E2F8: variants seen among roughly 807,000 people sequenced by gnomAD.
E2F8 encodes E2F transcription factor 8.
A neutral mutation model predicts 80.8 loss-of-function variants in E2F8; 35 were observed. The ratio of observed to expected loss-of-function variants is 0.43; its 90% CI spans 0.33 to 0.57. The LOEUF (loss-of-function observed/expected upper bound fraction) is 0.57, where lower values mean the gene tolerates loss of function less well. Among genes scored for constraint, E2F8 ranks in the 20% least tolerant of loss-of-function variants. The pLI is 0.04. For missense variants in E2F8, 975 were observed against 1,056.2 expected (o/e 0.92, Z 1.07); for synonymous variants, 386 against 395.0 (o/e 0.98, Z 0.27).
At chr11:19,232,033 C>T (rs1443738015) in intron 7 of E2F8, among the ~76,000 whole-genome samples, 7 of 152,072 alleles carry the variant, frequency 4.6e-5, no homozygotes, top group African/African-American at 9.7e-5. Context: ...CTGTGGGACA[C>T]GGATGGAGCT....
chr11:19,232,447 G>A (rs1460020327), intron 6 of E2F8, 76 bp from the exon 7 acceptor site: 1 of 1,295,538 alleles, frequency 7.7e-7, no homozygotes, highest in East Asian at 2.3e-5. Flanking sequence ...AGGACTTCAT[G>A]TATATTCTAA....
intron 2 of E2F8, among the ~76,000 whole-genome samples, chr11:19,239,797 T>C (rs1204104188): frequency 2.7e-5 from 4 of 150,874 alleles, no homozygotes; most frequent in African/African-American, 9.7e-5. Flanking sequence ...TAAAATTTGT[T>C]AGTTTCATTA....
chr11:19,234,597 A>G, intron 5 of E2F8, 76 bp from the exon 6 acceptor site: 1 of 1,573,262 alleles, frequency 6.4e-7, no homozygotes, highest in East Asian at 2.2e-5. Flanking sequence ...AAGGCTAAAA[A>G]TACTACCACC....
intron 6 of E2F8, 130 bp downstream of exon 6, chr11:19,234,230 G>A: frequency 1.0e-6 from 1 of 985,512 alleles, no homozygotes; most frequent in Non-Finnish European, 1.5e-6. Context: ...CTTCTGGGGA[G>A]AAGATATAAA....
chr11:19,236,705 C>T (rs772663554), intron 4 of E2F8, among the ~76,000 whole-genome samples: 4 of 152,178 alleles, frequency 2.6e-5, no homozygotes, highest in African/African-American at 4.8e-5. Context: ...TTATCTTGCA[C>T]AGCACATCAC....
chr11:19,227,145 C>T (rs143820947), intron 10 of E2F8, among the ~76,000 whole-genome samples: 3 of 152,354 alleles, frequency 2.0e-5, no homozygotes, highest in African/African-American at 4.8e-5. Flanking sequence ...GACCTTTCTT[C>T]TCTCCATTGT....
At chr11:19,230,904 A>C (rs560855650) in intron 7 of E2F8, 70 bp from the exon 8 acceptor site, 3 of 1,440,688 alleles carry the variant, frequency 2.1e-6, no homozygotes, top group Admixed American at 3.9e-5. Context: ...GAAATAAAAC[A>C]ATTTTAGGAA....
In E2F8 at chr11:19,235,030, G is replaced by A. The variant is rs758702181; in HGVS notation, c.480C>T (p.Ile160=). Reference sequence around the variant, plus strand: ...TATGTAAACTCTCTAGGACGTTCACGATATCGTAAATGCGTCGACGTTCAA... The same window carrying A: ...TATGTAAACTCTCTAGGACGTTCACAATATCGTAAATGCGTCGACGTTCAA... The part of the protein sequence containing the change: ...LNVERRRIYD[I]VNVLESLHMV... The change falls in exon 5 of 13, where the codon ATC becomes ATT. Residue 160 remains isoleucine, a synonymous_variant. Coordinates refer to ENST00000250024, the MANE Select transcript of E2F8 (RefSeq NM_024680.4). 23 of 1,609,870 alleles carry A rather than the reference G, an allele frequency of 1.4e-5. No individual in the cohort carries two copies. In the Admixed American group the frequency reaches 2.0e-4, roughly 14 times the overall value.
intron 2 of E2F8, among the ~76,000 whole-genome samples, chr11:19,238,891 C>G (rs1851591535): frequency 6.6e-6 from 1 of 152,120 alleles, no homozygotes; most frequent in Non-Finnish European, 1.5e-5. Context: ...ATGTTTGCAT[C>G]AACCTAACAG....
chr11:19,236,800 C>G lies in E2F8; in HGVS notation c.451+514G>C, dbSNP rs908863936. Among the ~76,000 whole-genome samples, 9 of 152,272 alleles carry G rather than the reference C, an allele frequency of 5.9e-5. No homozygotes were observed. The East Asian group carries it at 1.7e-3, about 29-fold the overall frequency. On this transcript the variant is annotated intron_variant, in intron 4 of 12. Transcript: ENST00000250024. ...GCCCCTTTTTAGCTCCAAATAGATT[C>G]AGGTCTTTGAACAGAGTAAAAAGGG...
intron 1 of E2F8, 134 bp from the exon 2 acceptor site, chr11:19,240,364 C>T (rs1001276032): frequency 9.9e-6 from 3 of 303,098 alleles, no homozygotes; most frequent in Non-Finnish European, 1.8e-5. Context: ...ACATTTTATT[C>T]TCGACCAGAG....
rs1851165502 is a variant in E2F8 at position 19,224,149 on chromosome 11, G to A, written c.*509C>T. On this transcript the variant is annotated 3_prime_UTR_variant, in exon 13 of 13. Coordinates refer to ENST00000250024, the MANE Select transcript of E2F8 (RefSeq NM_024680.4). The stretch of plus-strand genomic sequence containing the variant: ...TTTTCCATAGACTTGATTGAGGATT[G>A]TTGCAAACTTTACAAAAAGATACAC... 1 of 152,584 alleles carries A rather than the reference G, an allele frequency of 6.6e-6. No homozygotes were observed. Among genetic ancestry groups the A allele is most frequent in the African/African-American group, 2.4e-5 (1 of 41,428 alleles). The allele number at this position is 152,584 out of a possible 1,614,324, so 9.5% of individuals were successfully genotyped here. A position where few individuals can be genotyped will look rare whatever the true frequency, so the allele number is the denominator to read the frequency against.
At position 19,225,008 on chromosome 11, in the gene E2F8, G is replaced by C. The variant is rs371499092; in HGVS notation, c.2422-168C>G. 77 of 1,117,776 alleles carry C rather than the reference G, an allele frequency of 6.9e-5. 1 individual carries two copies. In the African/African-American group the frequency reaches 1.1e-3, roughly 16 times the overall value. The allele number at this position is 1,117,776 out of a possible 1,614,324, so 69.2% of individuals were successfully genotyped here. A position where few individuals can be genotyped will look rare whatever the true frequency, so the allele number is the denominator to read the frequency against. On this transcript the variant is annotated intron_variant, in intron 12 of 12. Transcript: ENST00000250024. ...GAGTTTTACATTCTCAATTATTTTT[G>C]TTAGGGGAGAGACAAAAATCTCATG...
chr11:19,227,188 T>C (rs1851257361), intron 10 of E2F8, among the ~76,000 whole-genome samples: 1 of 152,224 alleles, frequency 6.6e-6, no homozygotes, highest in East Asian at 1.9e-4. Flanking sequence ...TTAATAGGTC[T>C]TTTCCTTGGG....
chr11:19,235,189 C>T, intron 4 of E2F8, 131 bp from the exon 5 acceptor site: 2 of 807,612 alleles, frequency 2.5e-6, no homozygotes, highest in East Asian at 2.7e-5. Flanking sequence ...AGTGAACATA[C>T]TCAACAAATA....
intron 8 of E2F8, 74 bp downstream of exon 8, chr11:19,230,557 G>A: frequency 1.3e-6 from 2 of 1,505,700 alleles, no homozygotes; most frequent in South Asian, 1.2e-5. Flanking sequence ...ACTATTGCAA[G>A]GATCAAGTAA....
upstream of E2F8, among the ~76,000 whole-genome samples, chr11:19,241,166 C>A (rs1161144370): frequency 3.3e-5 from 5 of 152,228 alleles, no homozygotes; most frequent in African/African-American, 9.6e-5. The surrounding 1 kb of genome is among the most constrained non-coding windows in gnomAD (Gnocchi z 4.5). Flanking sequence ...GGACCGTGGC[C>A]GGCGCCTCCC....
At chr11:19,237,047 A>G (rs539048495) in intron 4 of E2F8, among the ~76,000 whole-genome samples, 1 of 152,348 alleles carries the variant, frequency 6.6e-6, no homozygotes, top group South Asian at 2.1e-4. Flanking sequence ...AAGTCATGAG[A>G]CAATATTGCC....
At chr11:19,237,172 G>T in intron 4 of E2F8, 142 bp downstream of exon 4, 1 of 801,416 alleles carries the variant, frequency 1.2e-6, no homozygotes, top group East Asian at 2.7e-5. Flanking sequence ...TATTAGAAGA[G>T]GGCTTTAGAG....
Sources: gnomAD v4.1 joint callset for allele counts (sites outside exome capture counted in the v4.1 genomes callset) on GRCh38, gnomAD v4.1.1 for gene constraint, Gnocchi (gnomAD v3.1) non-coding constraint, MANE v1.5 for transcripts, NCBI Gene and HGNC (gene_info 2026-07-23, HGNC 2026-07-21) for gene names.